The following DISP1 variants were observed in gnomAD, a reference collection of about 807,000 sequenced individuals.
The protein encoded by DISP1 is protein dispatched homolog 1.
Under a neutral mutation model 37.3 loss-of-function variants are expected in DISP1, and 30 were observed. The ratio of observed to expected loss-of-function variants is 0.80; its 90% CI spans 0.60 to 1.09. The LOEUF is 1.09. DISP1 is among the 50% of genes least tolerant of loss of function. The pLI is 0.00. For missense variants in DISP1, 1,598 were observed against 1,879.5 expected, an observed-to-expected ratio of 0.85 and a Z score of 2.77; for synonymous variants, 634 against 690.2, an observed-to-expected ratio of 0.92 and a Z score of 1.28.
intron 1 of DISP1, among the ~76,000 whole-genome samples, chr1:222,925,598 T>G (rs563270359): frequency 6.6e-6 from 1 of 152,294 alleles, no homozygotes; most frequent in South Asian, 2.1e-4. Flanking sequence ...CTTTTCCCTG[T>G]CCTTTTCCTT....
rs753754742 is a variant in DISP1, at chr1:223,002,534, G to A, written c.1137G>A (p.Leu379=). 1.2e-6 allele frequency: 2 copies of A among 1,614,180 alleles called. No individual in the cohort carries two copies. The highest frequency in any genetic ancestry group is 2.2e-5 in the South Asian group (2 of 91,086). Residue 379 remains leucine (L), a synonymous_variant, in exon 9 of 9, where the codon TTG becomes TTA. Coordinates refer to ENST00000675850, the MANE Select transcript of DISP1 (RefSeq NM_001377229.1). ...TTGAGCGAGACGTTTCTCATACCTT[G>A]AAGCTGCTTCGGACTTGTGCCAAAC... ...KIVERDVSHT[L]KLLRTCAKHY...
intron 3 of DISP1, among the ~76,000 whole-genome samples, chr1:222,977,204 AT>A (rs35587914): frequency 8.7e-5 from 13 of 150,190 alleles, no homozygotes; most frequent in African/African-American, 2.9e-4. Context: ...TAGTTTTTGT[AT>A]TTTTTTTTAG....
chr1:222,882,245 T>G (rs1030412591), intron 1 of DISP1, among the ~76,000 whole-genome samples: 1 of 152,208 alleles, frequency 6.6e-6, no homozygotes, highest in Non-Finnish European at 1.5e-5. Context: ...TAAAATAATT[T>G]ACACTACAAA....
At chr1:222,932,600 C>A (rs1219186730) in intron 2 of DISP1, among the ~76,000 whole-genome samples, 1 of 151,906 alleles carries the variant, frequency 6.6e-6, no homozygotes, top group African/African-American at 2.4e-5. Flanking sequence ...TCACATAATT[C>A]TCCAAACTTA....
chr1:222,884,198 T>A (rs1354397478), intron 1 of DISP1, among the ~76,000 whole-genome samples: 2 of 152,194 alleles, frequency 1.3e-5, no homozygotes. Flanking sequence ...CTTTTTATTT[T>A]GAAATAATTT....
At chr1:222,929,634 CTG>C (rs1161196025) in intron 2 of DISP1, among the ~76,000 whole-genome samples, 1 of 152,058 alleles carries the variant, frequency 6.6e-6, no homozygotes, top group Non-Finnish European at 1.5e-5. Flanking sequence ...AATCACTAAA[CTG>C]TGTAAATAAG....
Position 222,982,938 on chromosome 1 carries a change from C to CTT in DISP1, c.510-132_510-131dup, listed in dbSNP as rs10626845. On this transcript the variant is annotated intron_variant, in intron 3 of 8. Coordinates refer to ENST00000675850, the MANE Select transcript of DISP1 (RefSeq NM_001377229.1). ...GTTTAAAATCTCTCAAATAGATTGC[C>CTT]TTTTTTTTTTTAACACTTCCAAGAT... 146,711 of 585,446 alleles carry CTT rather than the reference C, an allele frequency of 0.25. 7,707 individuals are homozygous for CTT. The highest frequency in any genetic ancestry group is 0.29 in the Admixed American group (8,915 of 31,122). The allele number at this position is 585,446 out of a possible 1,614,324, so 36.3% of individuals were successfully genotyped here.
At position 222,888,241 on chromosome 1, in the gene DISP1, T is replaced by C. The variant is rs545764795; in HGVS notation, c.-158-40189T>C. Among the ~76,000 whole-genome samples, 8 of 152,336 alleles carry C rather than the reference T, an allele frequency of 5.3e-5. No homozygotes were observed. In the South Asian group the frequency reaches 1.5e-3, roughly 28 times the overall value. ...GTGTGTAATGGAAAGAAAGTCTCGCTAGTAATTTTTAAATTTAGATTTACT... is the reference window on the plus strand; with the variant it reads ...GTGTGTAATGGAAAGAAAGTCTCGCCAGTAATTTTTAAATTTAGATTTACT... On this transcript the variant is annotated intron_variant, in intron 1 of 8. Coordinates refer to ENST00000675850, the MANE Select transcript of DISP1 (RefSeq NM_001377229.1).
At chr1:222,860,848 G>A (rs1668840495) in intron 1 of DISP1, among the ~76,000 whole-genome samples, 1 of 151,876 alleles carries the variant, frequency 6.6e-6, no homozygotes, top group African/African-American at 2.4e-5. Flanking sequence ...ACTCCAGCCT[G>A]GGAGACAGAG....
intron 3 of DISP1, among the ~76,000 whole-genome samples, chr1:222,979,225 C>A (rs1677641440): frequency 1.3e-5 from 2 of 152,074 alleles, no homozygotes; most frequent in South Asian, 4.2e-4. Context: ...ATAGGCAGCA[C>A]AGGGAGACCC....
At chr1:222,937,074 A>G (rs1370956486) in intron 2 of DISP1, among the ~76,000 whole-genome samples, 2 of 3,608 alleles carry the variant, frequency 5.5e-4, no homozygotes, top group African/African-American at 2.5e-3. Context: ...ATAATATATT[A>G]TTTAATATAT....
intron 1 of DISP1, among the ~76,000 whole-genome samples, chr1:222,883,477 C>CGT (rs749677902): frequency 6.6e-6 from 1 of 152,140 alleles, no homozygotes; most frequent in East Asian, 1.9e-4. Context: ...AATTGTTGGG[C>CGT]GTGGTGGCAC....
Position 222,866,635 on chromosome 1 carries a change from G to A in DISP1, c.-159+51557G>A, listed in dbSNP as rs115136554. ...TGGGATTACAGGTGTGAGCCACCGC[G>A]CCCAGCTCCTGGGATAGTTTTATAT... On this transcript the variant is annotated intron_variant, in intron 1 of 8. Coordinates refer to ENST00000675850, the MANE Select transcript of DISP1 (RefSeq NM_001377229.1). Among the ~76,000 whole-genome samples, 423 of 152,148 alleles carry A rather than the reference G, an allele frequency of 2.8e-3. 3 individuals carry two copies. Among genetic ancestry groups the A allele is most frequent in the African/African-American group, 9.8e-3 (407 of 41,524 alleles).
chr1:222,944,951 A>G (rs2039781), intron 3 of DISP1, among the ~76,000 whole-genome samples: 123,338 of 152,016 alleles, frequency 0.81, 50,622 homozygotes, highest in East Asian at 0.94. Flanking sequence ...GTTGAGGTGG[A>G]AGGATTGCTT....
At chr1:222,973,959 G>A (rs770313881) in intron 3 of DISP1, among the ~76,000 whole-genome samples, 4 of 152,120 alleles carry the variant, frequency 2.6e-5, no homozygotes, top group African/African-American at 7.2e-5. Flanking sequence ...GACTTTTAGG[G>A]TTTCTTACAG....
intron 4 of DISP1, among the ~76,000 whole-genome samples, chr1:222,984,403 CAAAAAA>C (rs143486728): frequency 3.0e-4 from 9 of 29,982 alleles, no homozygotes; most frequent in South Asian, 3.8e-3. Context: ...GACTCTGTCT[CAAAAAA>C]AAAAAAAAAA....
chr1:223,005,393 C>T lies in DISP1; in HGVS notation c.3996C>T (p.Ile1332=). 6.2e-7 allele frequency: 1 copy of T among 1,613,528 alleles called. No individual in the cohort carries two copies. Among genetic ancestry groups the T allele is most frequent in the Non-Finnish European group, 8.5e-7 (1 of 1,180,038 alleles). The change falls in exon 9 of 9, where the codon ATC becomes ATT. Residue 1332 remains isoleucine (I), a synonymous_variant. Coordinates refer to ENST00000675850, the MANE Select transcript of DISP1 (RefSeq NM_001377229.1). ...GCTTTGTGCACCCCATCACGCACAT[C>T]CACCACTGTCCCTGCCTGCAGGGCA... ...VEGFVHPITH[I]HHCPCLQGRV...
At chr1:222,957,903 T>C (rs1311713454) in intron 3 of DISP1, among the ~76,000 whole-genome samples, 1 of 152,228 alleles carries the variant, frequency 6.6e-6, no homozygotes, top group Non-Finnish European at 1.5e-5. Flanking sequence ...TACATGAAAA[T>C]CTGATTTGTT....
chr1:222,966,293 A>G (rs1006722408), intron 3 of DISP1, among the ~76,000 whole-genome samples: 1 of 152,194 alleles, frequency 6.6e-6, no homozygotes, highest in Non-Finnish European at 1.5e-5. Flanking sequence ...AACCTAGGAA[A>G]AATAACATAA....
Sources: allele counts gnomAD v4.1 joint callset (sites outside exome capture counted in the v4.1 genomes callset), GRCh38; gene constraint gnomAD v4.1.1; transcripts MANE v1.5; gene names NCBI Gene and HGNC (gene_info 2026-07-23, HGNC 2026-07-21).